Variants in NXPE2 observed in about 807,000 individuals in gnomAD.
NXPE2 encodes neurexophilin and PC-esterase domain family member 2, also known as NXPE family member 2.
A neutral mutation model predicts 34.4 loss-of-function variants in NXPE2; 34 were observed. The ratio of observed to expected loss-of-function variants is 0.99; its 90% CI spans 0.75 to 1.31. NXPE2 has a LOEUF of 1.31. Ranked by LOEUF, NXPE2 falls within the 40% of genes most tolerant of loss-of-function variation. The probability of loss-of-function intolerance (pLI) is 0.00; values close to 1 mark genes in which losing one functional copy is unlikely to be tolerated. For missense variants in NXPE2, 649 were observed against 672.5 expected (o/e 0.97, Z 0.39); for synonymous variants, 235 against 231.3 (o/e 1.02, Z -0.15).
the NXPE2 span, among the ~76,000 whole-genome samples, chr11:114,544,435 A>G: frequency 1.3e-5 from 2 of 152,232 alleles, no homozygotes; most frequent in South Asian, 4.1e-4. Context: ...TACAAATATT[A>G]TCAACTGATT....
the NXPE2 span, among the ~76,000 whole-genome samples, chr11:114,665,886 C>T: frequency 6.6e-6 from 1 of 152,138 alleles, no homozygotes; most frequent in Admixed American, 6.6e-5. Flanking sequence ...AGGACCTTTG[C>T]TTGCACTAAA....
the NXPE2 span, among the ~76,000 whole-genome samples, chr11:114,750,747 T>C: frequency 0.43 from 65,086 of 152,072 alleles, 15,547 homozygotes; most frequent in South Asian, 0.6. Flanking sequence ...CAATATAACA[T>C]GAATCACAAC....
chr11:114,605,774 A>T, the NXPE2 span, among the ~76,000 whole-genome samples: 3 of 151,406 alleles, frequency 2.0e-5, no homozygotes, highest in African/African-American at 7.3e-5. Flanking sequence ...ATCACTGTTA[A>T]CCAGTGGATA....
chr11:114,543,831 T>C, the NXPE2 span, among the ~76,000 whole-genome samples: 5 of 152,172 alleles, frequency 3.3e-5, no homozygotes, highest in Non-Finnish European at 7.4e-5. Flanking sequence ...CTACGTAGAA[T>C]CTACCCAAAG....
the NXPE2 span, among the ~76,000 whole-genome samples, chr11:114,562,074 G>T: frequency 6.6e-6 from 1 of 152,208 alleles, no homozygotes; most frequent in Admixed American, 6.5e-5. Context: ...TGTATCAACT[G>T]TCCTTTTAAC....
the NXPE2 span, among the ~76,000 whole-genome samples, chr11:114,492,543 T>G: frequency 9.5e-6 from 1 of 104,942 alleles, no homozygotes; most frequent in Non-Finnish European, 2.4e-5. Context: ...TTCTTTTTCT[T>G]TTTTTTTTTT....
the NXPE2 span, among the ~76,000 whole-genome samples, chr11:114,465,025 A>G: frequency 1.3e-5 from 2 of 152,330 alleles, no homozygotes; most frequent in East Asian, 3.9e-4. Flanking sequence ...ATTGGCAAAT[A>G]TAAAGTGTGA....
chr11:114,706,324 C>A, intron 5 of NXPE2, 71 bp from the exon 6 acceptor site: 1 of 1,267,806 alleles, frequency 7.9e-7, no homozygotes, highest in Non-Finnish European at 1.1e-6. Flanking sequence ...GAATTTTATA[C>A]ATGTTGTGTG....
At chr11:114,809,736 A>G in the NXPE2 span, among the ~76,000 whole-genome samples, 45 of 136,792 alleles carry the variant, frequency 3.3e-4, no homozygotes, top group Non-Finnish European at 5.8e-4. Flanking sequence ...GGGTAGGAAG[A>G]ATCAATATCA....
chr11:114,721,989 T>A, the NXPE2 span, among the ~76,000 whole-genome samples: 1 of 152,152 alleles, frequency 6.6e-6, no homozygotes, highest in South Asian at 2.1e-4. Context: ...AGTTGTGATG[T>A]TTGACTTGAA....
chr11:114,602,447 T>A, the NXPE2 span, among the ~76,000 whole-genome samples: 9 of 134,224 alleles, frequency 6.7e-5, no homozygotes, highest in Admixed American at 1.7e-4. Flanking sequence ...ATATATAATA[T>A]ATATTATAAA....
the NXPE2 span, among the ~76,000 whole-genome samples, chr11:114,671,081 A>G: frequency 6.8e-6 from 1 of 146,740 alleles, no homozygotes; most frequent in South Asian, 2.1e-4. Flanking sequence ...ATATAAATAT[A>G]TATATAAATA....
chr11:114,760,631 G>T, the NXPE2 span, among the ~76,000 whole-genome samples: 1 of 152,272 alleles, frequency 6.6e-6, no homozygotes, highest in Admixed American at 6.5e-5. Flanking sequence ...CCTGTGAACA[G>T]CAAGGTGTTC....
chr11:114,674,484 T>C (rs1253023648), upstream of NXPE2, among the ~76,000 whole-genome samples: 2 of 151,644 alleles, frequency 1.3e-5, no homozygotes, highest in African/African-American at 4.8e-5. Flanking sequence ...TTTAGAGCCA[T>C]AGTATGTTTT....
the NXPE2 span, among the ~76,000 whole-genome samples, chr11:114,637,777 T>C: frequency 1.0e-3 from 152 of 152,064 alleles, 1 homozygote; most frequent in Admixed American, 8.3e-3. Flanking sequence ...TCTTTAAGAA[T>C]GTTGAATATT....
At chr11:114,572,310 T>G in the NXPE2 span, among the ~76,000 whole-genome samples, 2 of 152,242 alleles carry the variant, frequency 1.3e-5, no homozygotes, top group African/African-American at 2.4e-5. Flanking sequence ...AAAACAAGAT[T>G]CTTTAACTCC....
At chr11:114,773,141 A>G in the NXPE2 span, among the ~76,000 whole-genome samples, 1 of 152,058 alleles carries the variant, frequency 6.6e-6, no homozygotes, top group Non-Finnish European at 1.5e-5. Context: ...ACAGGCCCAC[A>G]GGGAAGCATG....
At chr11:114,717,819 T>G in the NXPE2 span, among the ~76,000 whole-genome samples, 1 of 152,120 alleles carries the variant, frequency 6.6e-6, no homozygotes, top group Non-Finnish European at 1.5e-5. Context: ...AAATCTTCCT[T>G]CTAGGTTTGT....
At chr11:114,482,084 G>A in the NXPE2 span, among the ~76,000 whole-genome samples, 2 of 152,088 alleles carry the variant, frequency 1.3e-5, no homozygotes, top group Non-Finnish European at 2.9e-5. Flanking sequence ...TGTGCTCCTG[G>A]GCAAGTGGTG....
Sources: allele counts gnomAD v4.1 joint callset (sites outside exome capture counted in the v4.1 genomes callset), GRCh38; gene constraint gnomAD v4.1.1; transcripts MANE v1.5; gene names NCBI Gene and HGNC (gene_info 2026-07-23, HGNC 2026-07-21).